Variants in RESF1 observed in about 807,000 individuals in gnomAD.
The protein encoded by RESF1 is gonad expressed transcript.
In RESF1, 65 loss-of-function variants were observed where a neutral mutation model predicts 134.7. The ratio of observed to expected loss-of-function variants is 0.48; its 90% confidence interval spans 0.40 to 0.59. The LOEUF (loss-of-function observed/expected upper bound fraction) is 0.59, where lower values mean the gene tolerates loss of function less well. RESF1 is among the 20% of genes least tolerant of loss of function. The pLI is 0.00. For missense variants in RESF1, 2,274 were observed against 2,002.7 expected (o/e 1.14, Z -2.59); for synonymous variants, 762 against 702.2 (o/e 1.09, Z -1.35).
chr12:31,989,677 C>G (rs892398995), intron 5 of RESF1, among the ~76,000 whole-genome samples: 1 of 152,094 alleles, frequency 6.6e-6, no homozygotes, highest in African/African-American at 2.4e-5. Context: ...CATTATGAAA[C>G]CCCATGCCTA....
Position 31,985,560 on chromosome 12 carries a change from T to C in RESF1, c.4605T>C (p.Asn1535=). The change falls in exon 4 of 6, where the codon AAT becomes AAC. Residue 1535 remains asparagine (N), a synonymous_variant. Coordinates refer to ENST00000312561, the MANE Select transcript of RESF1 (RefSeq NM_018169.4). ...QESKTYNILR[N]VKEKVGGKQP... is the part of the protein sequence containing the mutation. ...CTAAAACATACAACATTCTAAGGAA[T>C]GTTAAAGAAAAAGTTGGTGGGAAGC... 1.3e-6 allele frequency: 2 copies of C among 1,597,768 alleles called. No individual in the cohort carries two copies. The highest frequency in any genetic ancestry group is 1.7e-6 in the Non-Finnish European group (2 of 1,175,288).
chr12:31,974,757 C>T (rs1436132809), intron 3 of RESF1, among the ~76,000 whole-genome samples: 1 of 151,970 alleles, frequency 6.6e-6, no homozygotes, highest in African/African-American at 2.4e-5. Flanking sequence ...GTGAGGGGGA[C>T]GGGCAGTTAT....
At chr12:31,977,976 T>G (rs1401548912) in intron 3 of RESF1, among the ~76,000 whole-genome samples, 1 of 151,806 alleles carries the variant, frequency 6.6e-6, no homozygotes, top group Non-Finnish European at 1.5e-5. Context: ...ATTTTTTTTT[T>G]GTATTTTTGG....
chr12:31,982,099 C>G lies in RESF1; in HGVS notation c.1144C>G (p.Gln382Glu). ...IMDSCNPTSN[Q>E]VLDTSVAKEK... is the part of the protein sequence containing the mutation. ...GGATTCTTGCAATCCAACTTCAAATCAAGTACTGGACACAAGTGTTGCAAA... is the reference window on the plus strand; with the variant it reads ...GGATTCTTGCAATCCAACTTCAAATGAAGTACTGGACACAAGTGTTGCAAA... Residue 382 changes from glutamine to glutamate, a missense_variant, in exon 4 of 6, where the codon CAA becomes GAA. By Grantham distance (29) the Gln-to-Glu change is conservative. Transcript: ENST00000312561. The G allele has an allele frequency of 6.2e-7, 1 of 1,614,072 alleles. No homozygotes were observed. Among genetic ancestry groups the G allele is most frequent in the South Asian group, 1.1e-5 (1 of 91,052 alleles).
Position 31,981,556 on chromosome 12 carries a change from T to G in RESF1, c.601T>G (p.Cys201Gly). The G allele has an allele frequency of 6.2e-7, 1 of 1,614,174 alleles. No homozygotes were observed. Among genetic ancestry groups the G allele is most frequent in the South Asian group, 1.1e-5 (1 of 91,084 alleles). Residue 201 changes from cysteine (C) to glycine (G), a missense_variant, in exon 4 of 6, where the codon TGT (cysteine) becomes GGT (glycine). Cys to Gly is a radical substitution (Grantham distance 159). Transcript: ENST00000312561. Reference protein sequence around the residue: ...SEQQVDWTQQCISKGLTYPDY... With the variant: ...SEQQVDWTQQGISKGLTYPDY... ...GCAACAGGTTGATTGGACACAACAG[T>G]GTATATCTAAGGGACTGACTTACCC...
intron 5 of RESF1, among the ~76,000 whole-genome samples, chr12:31,989,819 T>A (rs901164109): frequency 2.6e-5 from 4 of 152,088 alleles, no homozygotes; most frequent in African/African-American, 9.7e-5. Flanking sequence ...ACCACTGCAC[T>A]CCAGCTTGGG....
chr12:31,962,892 G>A lies in RESF1; in HGVS notation c.-247+2021G>A, dbSNP rs754230162. On this transcript the variant is annotated intron_variant, in intron 2 of 5. Coordinates refer to ENST00000312561, the MANE Select transcript of RESF1 (RefSeq NM_018169.4). Reference sequence around the variant, plus strand: ...GTGGGCAGATCACCTGAGGTCAGGAGTTGGAGACCAGCCTGGCCAACATGG... The same window carrying A: ...GTGGGCAGATCACCTGAGGTCAGGAATTGGAGACCAGCCTGGCCAACATGG... Among the ~76,000 whole-genome samples, 63 of 151,350 alleles carry A rather than the reference G, an allele frequency of 4.2e-4. 2 individuals carry two copies. The highest frequency in any genetic ancestry group is 8.5e-4 in the Non-Finnish European group (58 of 67,844).
At chr12:31,980,786 C>T in intron 3 of RESF1, 92 bp from the exon 4 acceptor site, 1 of 546,632 alleles carries the variant, frequency 1.8e-6, no homozygotes, top group South Asian at 2.9e-5. Context: ...TCTGAAGATT[C>T]AGTAATTAGG....
At chr12:31,977,008 A>AT (rs1266083360) in intron 3 of RESF1, among the ~76,000 whole-genome samples, 11 of 152,114 alleles carry the variant, frequency 7.2e-5, no homozygotes, top group Non-Finnish European at 1.3e-4. Context: ...TCTCTTTGCT[A>AT]TGTATTGCGA....
At chr12:31,974,250 G>A (rs1307231702) in intron 3 of RESF1, among the ~76,000 whole-genome samples, 1 of 151,746 alleles carries the variant, frequency 6.6e-6, no homozygotes, top group Non-Finnish European at 1.5e-5. Context: ...TCTGTGTCAG[G>A]AACCGGGTTC....
At chr12:31,969,008 A>G (rs748378940) in intron 2 of RESF1, among the ~76,000 whole-genome samples, 1 of 152,064 alleles carries the variant, frequency 6.6e-6, no homozygotes, top group Non-Finnish European at 1.5e-5. Flanking sequence ...TGGCACTACC[A>G]TAGTCCACTG....
chr12:31,985,872 A>C lies in RESF1; in HGVS notation c.4917A>C (p.Pro1639=). 1 of 1,549,226 alleles carries C rather than the reference A, an allele frequency of 6.5e-7. No homozygotes were observed. Among genetic ancestry groups the C allele is most frequent in the South Asian group, 1.3e-5 (1 of 78,742 alleles). The change falls in exon 4 of 6, where the codon CCA becomes CCC. Residue 1639 remains proline, a synonymous_variant. Coordinates refer to ENST00000312561, the MANE Select transcript of RESF1 (RefSeq NM_018169.4). Reference sequence around the variant, plus strand: ...ACATGCTGGAGTTTAAATTATGTCCAGATATCTTACTAAAGAATACAAACT... The same window carrying C: ...ACATGCTGGAGTTTAAATTATGTCCCGATATCTTACTAAAGAATACAAACT... The part of the protein sequence containing the change: ...KSNMLEFKLC[P]DILLKNTNSV...
At position 31,983,612 on chromosome 12, in the gene RESF1, G is replaced by A. The variant is rs770842319; in HGVS notation, c.2657G>A (p.Ser886Asn). 9.9e-6 allele frequency: 16 copies of A among 1,613,960 alleles called. No homozygotes were observed. In the East Asian group the frequency reaches 3.6e-4, roughly 36 times the overall value. Residue 886 changes from serine to asparagine, a missense_variant, in exon 4 of 6, where the codon AGT (serine) becomes AAT (asparagine). Physicochemically the swap from Ser to Asn is conservative, Grantham distance 46. Coordinates refer to ENST00000312561, the MANE Select transcript of RESF1 (RefSeq NM_018169.4). ...GAGTCAAGGAATAGTACTGTTGTGA[G>A]TAGTGATACATTACAGATTGACAAT... ...SQESRNSTVV[S>N]SDTLQIDNIC...
intron 3 of RESF1, among the ~76,000 whole-genome samples, chr12:31,974,210 TACTC>T (rs1422668922): frequency 1.3e-5 from 2 of 151,792 alleles, no homozygotes; most frequent in African/African-American, 4.8e-5. Context: ...ACACTCCTGT[TACTC>T]AGGAGATTAC....
Position 31,985,219 on chromosome 12 carries a change from G to C in RESF1, c.4264G>C (p.Glu1422Gln). The C allele has an allele frequency of 6.3e-7, 1 of 1,588,282 alleles. No individual in the cohort carries two copies. Among genetic ancestry groups the C allele is most frequent in the Non-Finnish European group, 8.5e-7 (1 of 1,173,272 alleles). ...CCCAAACGAAAGAGCCATTGTTAAAGAAAAGATGGTATCAAATACTAAGTC... is the reference window on the plus strand; with the variant it reads ...CCCAAACGAAAGAGCCATTGTTAAACAAAAGATGGTATCAAATACTAAGTC... Reference protein sequence around the residue: ...SNPNERAIVKEKMVSNTKSVD... With the variant: ...SNPNERAIVKQKMVSNTKSVD... The change falls in exon 4 of 6, where the codon GAA becomes CAA. Residue 1422 changes from glutamate to glutamine, a missense_variant. Physicochemically the swap from Glu to Gln is conservative, Grantham distance 29 (BLOSUM62 2). Coordinates refer to ENST00000312561, the MANE Select transcript of RESF1 (RefSeq NM_018169.4).
intron 3 of RESF1, among the ~76,000 whole-genome samples, chr12:31,975,490 AAG>A (rs1298535392): frequency 2.0e-5 from 3 of 152,340 alleles, no homozygotes; most frequent in East Asian, 1.9e-4. Flanking sequence ...CTACTATTAT[AAG>A]AGAGCTTTAA....
intron 3 of RESF1, among the ~76,000 whole-genome samples, chr12:31,978,095 C>T (rs997026895): frequency 2.0e-5 from 3 of 151,962 alleles, no homozygotes; most frequent in African/African-American, 2.4e-5. Context: ...AGAGCCACTG[C>T]GCTTGACCTA....
Position 31,985,099 on chromosome 12 carries a change from G to C in RESF1, c.4144G>C (p.Val1382Leu). 1 of 1,558,954 alleles carries C rather than the reference G, an allele frequency of 6.4e-7. No individual in the cohort carries two copies. The highest frequency in any genetic ancestry group is 1.2e-5 in the South Asian group (1 of 80,376). ...AAAACGAAAGTTAGACCAAGGGAAC[G>C]TATTAGATATGGAAGTAAAGAAAAA... ...KQKRKLDQGN[V>L]LDMEVKKKKH... Residue 1382 changes from valine (V) to leucine (L), a missense_variant, in exon 4 of 6, where the codon GTA becomes CTA. Val to Leu is a conservative substitution (Grantham distance 32). Coordinates refer to ENST00000312561, the MANE Select transcript of RESF1 (RefSeq NM_018169.4).
intron 3 of RESF1, among the ~76,000 whole-genome samples, chr12:31,970,671 A>G (rs1239110628): frequency 6.6e-6 from 1 of 152,236 alleles, no homozygotes; most frequent in African/African-American, 2.4e-5. Context: ...ACATTCCTCA[A>G]ATGGGTATAC....
Sources: allele counts gnomAD v4.1 joint callset (sites outside exome capture counted in the v4.1 genomes callset), GRCh38; gene constraint gnomAD v4.1.1; transcripts MANE v1.5; gene names NCBI Gene and HGNC (gene_info 2026-07-23, HGNC 2026-07-21).